GALNT5: variants seen among roughly 807,000 people sequenced by gnomAD.
GALNT5 encodes the protein UDP-GalNAc:polypeptide N-acetylgalactosaminyltransferase 5.
GALNT5 carries 72 observed loss-of-function variants against 85.4 expected under a neutral mutation model. The ratio of observed to expected loss-of-function variants is 0.84; its 90% CI spans 0.70 to 1.03. GALNT5 has a LOEUF of 1.03. GALNT5 is among the 50% of genes least tolerant of loss of function. GALNT5 has a pLI of 0.00. For missense variants in GALNT5, 1,137 were observed against 1,135.5 expected (o/e 1.00, Z -0.02); for synonymous variants, 404 against 397.0 (o/e 1.02, Z -0.21).
At chr2:157,310,212 C>T (rs1343236780) in intron 9 of GALNT5, among the ~76,000 whole-genome samples, 3 of 152,176 alleles carry the variant, frequency 2.0e-5, no homozygotes, top group Admixed American at 2.0e-4. Flanking sequence ...GACTTTGGAA[C>T]ATTTTACACA....
chr2:157,303,016 G>A (rs565673551), intron 7 of GALNT5, among the ~76,000 whole-genome samples: 1 of 152,164 alleles, frequency 6.6e-6, no homozygotes, highest in Non-Finnish European at 1.5e-5. Flanking sequence ...ATCGTGGAAA[G>A]TTCCAAGAAA....
intron 1 of GALNT5, among the ~76,000 whole-genome samples, chr2:157,261,972 G>GA (rs1408029766): frequency 6.6e-6 from 1 of 151,942 alleles, no homozygotes; most frequent in Non-Finnish European, 1.5e-5. Context: ...AATAGAATAA[G>GA]AAAATGAGTA....
chr2:157,291,751 A>AT (rs1205044674), intron 3 of GALNT5, among the ~76,000 whole-genome samples: 2 of 151,692 alleles, frequency 1.3e-5, no homozygotes, highest in African/African-American at 2.4e-5. Context: ...TTGGACTAAA[A>AT]TTTTATATTC....
intron 1 of GALNT5, among the ~76,000 whole-genome samples, chr2:157,264,318 T>A (rs2105146466): frequency 6.6e-6 from 1 of 152,296 alleles, no homozygotes; most frequent in South Asian, 2.1e-4. Flanking sequence ...GAACTTATTT[T>A]AAGAGTGCAC....
intron 5 of GALNT5, among the ~76,000 whole-genome samples, chr2:157,297,928 T>C (rs1214385976): frequency 1.3e-5 from 2 of 152,148 alleles, no homozygotes; most frequent in East Asian, 3.8e-4. Context: ...CACTGAGAAG[T>C]GGTATGAGCT....
At chr2:157,299,415 TC>T in intron 5 of GALNT5, 132 bp from the exon 6 acceptor site, 1 of 618,008 alleles carries the variant, frequency 1.6e-6, no homozygotes, top group South Asian at 2.0e-5. Context: ...TGTGACTCCA[TC>T]CCAGGGCTTC....
At chr2:157,262,379 G>A (rs1312712574) in intron 1 of GALNT5, among the ~76,000 whole-genome samples, 1 of 152,110 alleles carries the variant, frequency 6.6e-6, no homozygotes, top group African/African-American at 2.4e-5. Flanking sequence ...GCTCAAGCCT[G>A]TAATCTCAGC....
chr2:157,305,883 C>A, intron 8 of GALNT5, 54 bp downstream of exon 8: 1 of 917,128 alleles, frequency 1.1e-6, no homozygotes, highest in Non-Finnish European at 1.8e-6. Context: ...GGGTATGACA[C>A]ATTCATTGCT....
chr2:157,271,942 T>A (rs1682594189), intron 1 of GALNT5, among the ~76,000 whole-genome samples: 1 of 152,138 alleles, frequency 6.6e-6, no homozygotes, highest in Non-Finnish European at 1.5e-5. Context: ...CTGAGAATCT[T>A]GTGTTTCTTA....
chr2:157,307,375 T>C (rs1039967555), intron 8 of GALNT5, among the ~76,000 whole-genome samples: 4 of 152,240 alleles, frequency 2.6e-5, no homozygotes, highest in African/African-American at 7.2e-5. Context: ...CATCAAGCTC[T>C]ATCCCTTACC....
rs924762543 is a variant in GALNT5, at chr2:157,314,575, T to C, written c.*3227T>C. Among the ~76,000 whole-genome samples the C allele has an allele frequency of 2.6e-5, 4 of 152,176 alleles. No individual in the cohort carries two copies. Among genetic ancestry groups the C allele is most frequent in the African/African-American group, 9.6e-5 (4 of 41,458 alleles). On this transcript the variant is annotated 3_prime_UTR_variant, in exon 10 of 10. Transcript: ENST00000259056. ...CTTTTAGATATTAAAACACCTTACT[T>C]CTAGTATTAGTTTGGGACTGCAGAG...
chr2:157,259,456 A>T lies in GALNT5; in HGVS notation c.1374A>T (p.Arg458Ser), dbSNP rs750934991. Residue 458 changes from arginine to serine, a missense_variant, in exon 1 of 10, where the codon AGA (arginine) becomes AGT (serine). Coordinates refer to ENST00000259056, the MANE Select transcript of GALNT5 (RefSeq NM_014568.3). ...GAAAGGAGAAGGAGGCAGAAAGAAG[A>T]TGGAAAGAAGGAAACTTCAATGTCT... ...PHGKEKEAERRWKEGNFNVYL... is the reference protein window; with the variant it reads ...PHGKEKEAERSWKEGNFNVYL... 1 of 1,465,392 alleles carries T rather than the reference A, an allele frequency of 6.8e-7. No homozygotes were observed. The highest frequency in any genetic ancestry group is 2.4e-5 in the East Asian group (1 of 42,382). 90.8% of individuals were successfully genotyped at this position (1,465,392 alleles called of 1,614,324 possible).
intron 1 of GALNT5, among the ~76,000 whole-genome samples, chr2:157,262,079 T>C (rs978456126): frequency 6.6e-6 from 1 of 152,126 alleles, no homozygotes; most frequent in African/African-American, 2.4e-5. Flanking sequence ...AACCTTTAAA[T>C]TTTAAGAGTT....
rs1025691247 is a variant in GALNT5, at chr2:157,314,156, T to C, written c.*2808T>C. 6.6e-6 allele frequency: 1 copy of C among 151,652 alleles called. No individual in the cohort carries two copies. The highest frequency in any genetic ancestry group is 1.5e-5 in the Non-Finnish European group (1 of 67,958). 9.4% of individuals were successfully genotyped at this position (151,652 alleles called of 1,614,324 possible). On this transcript the variant is annotated 3_prime_UTR_variant, in exon 10 of 10. Transcript: ENST00000259056. ...CACTGAATTCTTCAATAGGAGGCTG[T>C]GTTACAGGAGCTACAGATTTTTCCC...
intron 2 of GALNT5, among the ~76,000 whole-genome samples, chr2:157,284,812 G>T (rs959278101): frequency 6.6e-6 from 1 of 152,204 alleles, no homozygotes; most frequent in African/African-American, 2.4e-5. Flanking sequence ...GTAATAACTA[G>T]AGTTACAGTT....
chr2:157,307,844 G>C (rs927326943), intron 8 of GALNT5, among the ~76,000 whole-genome samples: 37 of 152,002 alleles, frequency 2.4e-4, no homozygotes, highest in African/African-American at 8.7e-4. Flanking sequence ...TAAATTGACC[G>C]GGTAGACAAT....
intron 1 of GALNT5, among the ~76,000 whole-genome samples, chr2:157,262,002 G>C (rs1390372562): frequency 1.3e-4 from 20 of 152,054 alleles, no homozygotes; most frequent in Admixed American, 1.2e-3. Context: ...GAAAGAAAGA[G>C]AGAGAGAAAT....
intron 1 of GALNT5, among the ~76,000 whole-genome samples, chr2:157,282,483 C>T (rs1558895785): frequency 6.6e-6 from 1 of 152,164 alleles, no homozygotes; most frequent in Non-Finnish European, 1.5e-5. Context: ...TTATGATAAA[C>T]AACCATCTAG....
At chr2:157,282,969 C>T (rs1682888809) in intron 1 of GALNT5, among the ~76,000 whole-genome samples, 1 of 152,178 alleles carries the variant, frequency 6.6e-6, no homozygotes, top group Non-Finnish European at 1.5e-5. Flanking sequence ...TTGCTCTTAC[C>T]TATTTCTTAT....
Sources: allele counts gnomAD v4.1 joint callset (sites outside exome capture counted in the v4.1 genomes callset), GRCh38; gene constraint gnomAD v4.1.1; transcripts MANE v1.5; gene names NCBI Gene and HGNC (gene_info 2026-07-23, HGNC 2026-07-21).